ADAM2: variants seen among roughly 807,000 people sequenced by gnomAD.
ADAM2 encodes the protein ADAM metallopeptidase domain 2.
In ADAM2, 101 loss-of-function variants were observed where a neutral mutation model predicts 99.3. The ratio of observed to expected loss-of-function variants is 1.02; its 90% CI spans 0.87 to 1.20. The LOEUF (loss-of-function observed/expected upper bound fraction) is 1.20. Among genes scored for constraint, ADAM2 ranks in the 50% most tolerant of loss-of-function variants. The pLI is 0.00. For missense variants in ADAM2, 948 were observed against 878.7 expected, an observed-to-expected ratio of 1.08 and a Z score of -1.00; for synonymous variants, 323 against 287.6, an observed-to-expected ratio of 1.12 and a Z score of -1.25.
chr8:39,838,048 C>T (rs1805910717), intron 1 of ADAM2, 83 bp downstream of exon 1: 1 of 1,461,218 alleles, frequency 6.8e-7, no homozygotes, highest in Admixed American at 1.7e-5. Context: ...AGCATCCTCC[C>T]AGGGATGTCA....
chr8:39,762,973 G>A (rs997517983), intron 14 of ADAM2, among the ~76,000 whole-genome samples: 8 of 152,068 alleles, frequency 5.3e-5, no homozygotes, highest in Admixed American at 4.6e-4. Flanking sequence ...CAAAGGGGTC[G>A]GTGATGTTTT....
chr8:39,810,714 T>C (rs933622786), intron 6 of ADAM2, among the ~76,000 whole-genome samples: 8 of 152,132 alleles, frequency 5.3e-5, no homozygotes, highest in African/African-American at 1.7e-4. Flanking sequence ...AAGGCAGAAA[T>C]AAAGATGTTC....
intron 7 of ADAM2, among the ~76,000 whole-genome samples, chr8:39,798,049 G>C (rs922364478): frequency 1.3e-5 from 2 of 152,170 alleles, no homozygotes; most frequent in Non-Finnish European, 2.9e-5. Flanking sequence ...TTGCCTGATG[G>C]CCCTGGCCAG....
chr8:39,796,555 C>G (rs1053564388), intron 7 of ADAM2, among the ~76,000 whole-genome samples: 2 of 151,988 alleles, frequency 1.3e-5, no homozygotes, highest in African/African-American at 4.8e-5. Flanking sequence ...GAGTATATAC[C>G]CAGTAATGGG....
chr8:39,786,904 A>C, intron 10 of ADAM2, 70 bp downstream of exon 10: 1 of 1,189,062 alleles, frequency 8.4e-7, no homozygotes, highest in Non-Finnish European at 1.2e-6. Context: ...ACACATAAAA[A>C]TTAAATATGA....
chr8:39,822,809 G>A (rs1292408184), intron 4 of ADAM2, among the ~76,000 whole-genome samples: 2 of 150,798 alleles, frequency 1.3e-5, no homozygotes, highest in African/African-American at 2.4e-5. Flanking sequence ...TTGCTCTGTC[G>A]CCAGGCTGGT....
At position 39,749,650 on chromosome 8, in the gene ADAM2, A is replaced by G; in HGVS notation, c.1875+17T>C. 6.2e-7 allele frequency: 1 copy of G among 1,601,192 alleles called. No homozygotes were observed. The highest frequency in any genetic ancestry group is 2.2e-5 in the East Asian group (1 of 44,778). ...GCTCAATGATTTCTATTTTCACCTC[A>G]TAGTACTGCTACTTACACCTCTATC... On this transcript the variant is annotated intron_variant, in intron 17 of 20. Coordinates refer to ENST00000265708, the MANE Select transcript of ADAM2 (RefSeq NM_001464.5).
intron 18 of ADAM2, 76 bp downstream of exon 18, chr8:39,749,236 A>G: frequency 7.3e-7 from 1 of 1,361,078 alleles, no homozygotes; most frequent in Non-Finnish European, 1.0e-6. Flanking sequence ...ATTGGTAGAC[A>G]AAATATTATT....
intron 10 of ADAM2, among the ~76,000 whole-genome samples, chr8:39,783,794 TACAA>T (rs1000224262): frequency 1.3e-5 from 2 of 151,774 alleles, no homozygotes; most frequent in African/African-American, 4.8e-5. Flanking sequence ...CTACTAAAAA[TACAA>T]ACAATTAGCC....
rs766871163 is a variant in ADAM2, at chr8:39,777,176, T to C, written c.892-15A>G. The C allele has an allele frequency of 7.6e-6, 12 of 1,587,764 alleles. No homozygotes were observed. Among genetic ancestry groups the C allele is most frequent in the Non-Finnish European group, 9.4e-6 (11 of 1,166,768 alleles). ...GTTCTGGGGTGCTGAGAAAAAAAAA[T>C]AGATGTACACGTTTTGGGAGATTAT... On this transcript the variant is annotated splice_polypyrimidine_tract_variant and intron_variant, in intron 10 of 20. Coordinates refer to ENST00000265708, the MANE Select transcript of ADAM2 (RefSeq NM_001464.5).
intron 7 of ADAM2, among the ~76,000 whole-genome samples, chr8:39,809,161 A>G (rs537808019): frequency 6.6e-6 from 1 of 152,278 alleles, no homozygotes; most frequent in Non-Finnish European, 1.5e-5. Flanking sequence ...AAGTTTCTAT[A>G]ATAATTCTAA....
At chr8:39,813,164 A>G (rs565762648) in intron 6 of ADAM2, among the ~76,000 whole-genome samples, 1 of 152,348 alleles carries the variant, frequency 6.6e-6, no homozygotes, top group East Asian at 1.9e-4. Context: ...CAGACAGATG[A>G]AAAAATGCTC....
At chr8:39,781,180 T>C (rs566599578) in intron 10 of ADAM2, among the ~76,000 whole-genome samples, 58 of 152,312 alleles carry the variant, frequency 3.8e-4, no homozygotes, top group African/African-American at 1.3e-3. Flanking sequence ...TGTGTAGTTA[T>C]GTACCCATAT....
intron 16 of ADAM2, among the ~76,000 whole-genome samples, chr8:39,755,381 G>A (rs373637926): frequency 1.1e-4 from 17 of 152,222 alleles, no homozygotes; most frequent in African/African-American, 4.1e-4. Context: ...TATCATTTAA[G>A]AACAGAGTCT....
At chr8:39,759,453 T>A (rs1328656985) in intron 15 of ADAM2, among the ~76,000 whole-genome samples, 1 of 152,208 alleles carries the variant, frequency 6.6e-6, no homozygotes, top group Non-Finnish European at 1.5e-5. Context: ...ACTGGGTTTG[T>A]TCCTGAACAA....
At chr8:39,769,766 A>G (rs1802706995) in intron 11 of ADAM2, among the ~76,000 whole-genome samples, 191 bp from the exon 12 acceptor site, 1 of 152,104 alleles carries the variant, frequency 6.6e-6, no homozygotes, top group Non-Finnish European at 1.5e-5. Flanking sequence ...GTAAATTACT[A>G]ATCCATAAAG....
At chr8:39,808,844 A>C (rs910594849) in intron 7 of ADAM2, among the ~76,000 whole-genome samples, 1 of 152,212 alleles carries the variant, frequency 6.6e-6, no homozygotes, top group East Asian at 1.9e-4. Context: ...TGAACCCATG[A>C]AGCGGAGTTT....
chr8:39,801,457 G>C (rs1804206993), intron 7 of ADAM2, among the ~76,000 whole-genome samples: 1 of 152,068 alleles, frequency 6.6e-6, no homozygotes, highest in African/African-American at 2.4e-5. Context: ...TCCTCTATAG[G>C]GGGTCTGACA....
intron 7 of ADAM2, among the ~76,000 whole-genome samples, chr8:39,796,303 G>C (rs1803941982): frequency 6.6e-6 from 1 of 152,080 alleles, no homozygotes; most frequent in South Asian, 2.1e-4. Context: ...TTGGTTTTCT[G>C]TTCCTGTGTT....
Sources: gnomAD v4.1 joint callset for allele counts (sites outside exome capture counted in the v4.1 genomes callset) on GRCh38, gnomAD v4.1.1 for gene constraint, MANE v1.5 for transcripts, NCBI Gene and HGNC (gene_info 2026-07-23, HGNC 2026-07-21) for gene names.